The following ALMS1 variants were observed in gnomAD, a reference collection of about 807,000 sequenced individuals.
ALMS1 encodes the protein centrosome-associated protein ALMS1.
ALMS1 carries 271 observed loss-of-function variants against 352.2 expected under a neutral mutation model. The observed-to-expected ratio is 0.77, with a 90% CI of 0.70 to 0.85. The LOEUF (loss-of-function observed/expected upper bound fraction) is 0.85. ALMS1 is among the 40% of genes least tolerant of loss of function. The pLI, the probability that ALMS1 is intolerant of heterozygous loss-of-function variation, is 0.00. For missense variants in ALMS1, 5,445 were observed against 4,870.7 expected, an observed-to-expected ratio of 1.12 and a Z score of -3.51; for synonymous variants, 1,865 against 1,761.2, an observed-to-expected ratio of 1.06 and a Z score of -1.48.
At position 73,489,939 on chromosome 2, in the gene ALMS1, T is replaced by A. The variant is rs1284250096; in HGVS notation, c.7980T>A (p.Asp2660Glu). ...SHSPFQNFIP[D>E]EFKISKGLRM... Reference sequence around the variant, plus strand: ...CCCCATTTCAGAACTTTATACCTGATGAATTCAAAATCAGCAAAGGTCTTC... The same window carrying A: ...CCCCATTTCAGAACTTTATACCTGAAGAATTCAAAATCAGCAAAGGTCTTC... Residue 2660 changes from aspartate (D) to glutamate (E), a missense_variant, in exon 10 of 23, where the codon GAT becomes GAA. Transcript: ENST00000613296. 2 of 1,614,254 alleles carry A rather than the reference T, an allele frequency of 1.2e-6. No homozygotes were observed. Among genetic ancestry groups the A allele is most frequent in the East Asian group, 4.5e-5 (2 of 44,892 alleles).
intron 16 of ALMS1, among the ~76,000 whole-genome samples, chr2:73,594,151 CTT>C: frequency 6.6e-6 from 1 of 152,294 alleles, no homozygotes; most frequent in South Asian, 2.1e-4. Context: ...AACTGCCAGA[CTT>C]TTCCAAAATG....
chr2:73,453,353 C>G lies in ALMS1; in HGVS notation c.6826C>G (p.Arg2276Gly). Reference protein sequence around the residue: ...LMEAENMALKRCNFPAPLARF... With the variant: ...LMEAENMALKGCNFPAPLARF... ...GGAGGCAGAAAATATGGCACTGAAA[C>G]GATGCAATTTTCCTGCTCCCCTTGC... Residue 2276 changes from arginine (R) to glycine (G), a missense_variant, in exon 8 of 23, where the codon CGA (arginine) becomes GGA (glycine). Physicochemically the swap from Arg to Gly is moderately radical, Grantham distance 125. Transcript: ENST00000613296. 2 of 1,613,674 alleles carry G rather than the reference C, an allele frequency of 1.2e-6. No homozygotes were observed. Among genetic ancestry groups the G allele is most frequent in the Non-Finnish European group, 1.7e-6 (2 of 1,179,914 alleles).
In ALMS1 at chr2:73,449,103, C is replaced by T. The variant is rs749219852; in HGVS notation, c.2576C>T (p.Ala859Val). 1.7e-5 allele frequency: 28 copies of T among 1,613,972 alleles called. No individual in the cohort carries two copies. The highest frequency in any genetic ancestry group is 8.0e-5 in the African/African-American group (6 of 74,898). The change falls in exon 8 of 23, where the codon GCG becomes GTG. Residue 859 changes from alanine (A) to valine (V), a missense_variant. Transcript: ENST00000613296. ...GTPAVTSTSSASSSLGEKPSA... is the reference protein window; with the variant it reads ...GTPAVTSTSSVSSSLGEKPSA... ...CCAGCTGTAACCTCTACTTCCTCTG[C>T]GTCCTCTTCACTTGGAGAAAAGCCC...
chr2:73,539,361 A>C (rs938371233), intron 12 of ALMS1, among the ~76,000 whole-genome samples: 8 of 152,196 alleles, frequency 5.3e-5, no homozygotes, highest in Admixed American at 1.3e-4. Context: ...CATCCACACC[A>C]AAACCCCATC....
chr2:73,454,089 T>G lies in ALMS1; in HGVS notation c.7540+22T>G, dbSNP rs559641843. 7.6e-6 allele frequency: 12 copies of G among 1,585,028 alleles called. No individual in the cohort carries two copies. In the African/African-American group the frequency reaches 1.1e-4, roughly 14 times the overall value. The stretch of plus-strand genomic sequence containing the variant: ...CATGGTAAGAAGAAAGTTTCAGGCT[T>G]ATAAACGTTATAGTTTAATAATGTG... On this transcript the variant is annotated intron_variant, in intron 8 of 22. Coordinates refer to ENST00000613296, the MANE Select transcript of ALMS1 (RefSeq NM_001378454.1).
intron 11 of ALMS1, among the ~76,000 whole-genome samples, chr2:73,523,185 T>A (rs1361015681): frequency 1.3e-5 from 2 of 152,252 alleles, no homozygotes; most frequent in Non-Finnish European, 2.9e-5. Flanking sequence ...GAAAGCATTG[T>A]AGACTCAGAA....
At position 73,449,886 on chromosome 2, in the gene ALMS1, C is replaced by A; in HGVS notation, c.3359C>A (p.Ala1120Asp). 6.2e-7 allele frequency: 1 copy of A among 1,613,958 alleles called. No homozygotes were observed. The highest frequency in any genetic ancestry group is 1.1e-5 in the South Asian group (1 of 91,066). Residue 1120 changes from alanine (A) to aspartate (D), a missense_variant, in exon 8 of 23, where the codon GCT (alanine) becomes GAT (aspartate). Coordinates refer to ENST00000613296, the MANE Select transcript of ALMS1 (RefSeq NM_001378454.1). ...TLPESHLPKE[A>D]LKISVAPGLA... is the part of the protein sequence containing the mutation. ...CCAGAGAGTCATCTGCCTAAAGAGG[C>A]TCTGAAAATTTCAGTAGCTCCTGGA...
intron 9 of ALMS1, among the ~76,000 whole-genome samples, chr2:73,484,703 C>G (rs1159857156): frequency 6.6e-6 from 1 of 152,172 alleles, no homozygotes; most frequent in Non-Finnish European, 1.5e-5. Context: ...CCATCACTTT[C>G]AGGTACACCA....
At chr2:73,420,592 G>A (rs75825101) in intron 3 of ALMS1, among the ~76,000 whole-genome samples, 1 of 152,082 alleles carries the variant, frequency 6.6e-6, no homozygotes, top group Admixed American at 6.6e-5. Context: ...ACTAAAAAAG[G>A]CTATATAACA....
intron 1 of ALMS1, among the ~76,000 whole-genome samples, chr2:73,389,658 A>G (rs967058264): frequency 6.6e-6 from 1 of 152,106 alleles, no homozygotes; most frequent in Admixed American, 6.6e-5. Flanking sequence ...AGCCAATGTG[A>G]GAAAATTATT....
chr2:73,537,898 C>T (rs991039022), intron 12 of ALMS1, among the ~76,000 whole-genome samples: 1 of 152,028 alleles, frequency 6.6e-6, no homozygotes, highest in Admixed American at 6.6e-5. Context: ...CCCAGCTACT[C>T]GGAAGGCTGA....
At chr2:73,504,288 G>T (rs752704200) in intron 10 of ALMS1, among the ~76,000 whole-genome samples, 8 of 152,146 alleles carry the variant, frequency 5.3e-5, no homozygotes, top group Non-Finnish European at 1.0e-4. Flanking sequence ...ATGCATATAT[G>T]TGTAATTCTG....
At chr2:73,601,123 C>T (rs1437509501) in intron 18 of ALMS1, 72 bp from the exon 19 acceptor site, 1 of 1,604,916 alleles carries the variant, frequency 6.2e-7, no homozygotes, top group Non-Finnish European at 8.5e-7. Flanking sequence ...ATATGCATAT[C>T]CTGGATAAGA....
At chr2:73,600,176 G>T (rs1675645582) in intron 17 of ALMS1, among the ~76,000 whole-genome samples, 1 of 152,214 alleles carries the variant, frequency 6.6e-6, no homozygotes, top group South Asian at 2.1e-4. Context: ...GAATTCTCTG[G>T]AACCATATGG....
chr2:73,550,158 C>A, intron 12 of ALMS1, 109 bp from the exon 13 acceptor site: 3 of 1,165,988 alleles, frequency 2.6e-6, no homozygotes, highest in South Asian at 1.4e-5. Context: ...TCGTGCCTGG[C>A]CTGTAGTGCT....
At chr2:73,403,852 G>A (rs1670919257) in intron 1 of ALMS1, among the ~76,000 whole-genome samples, 1 of 152,058 alleles carries the variant, frequency 6.6e-6, no homozygotes, top group Non-Finnish European at 1.5e-5. Flanking sequence ...GTACAGAAGT[G>A]CAACTGATTT....
rs1395544491 is a variant in ALMS1 at position 73,448,675 on chromosome 2, C to T, written c.2148C>T (p.His716=). ...CAGCAACAGTACTCTCTACTCCCCA[C>T]TCACATAGAGAGAAGCCTGGTATTT... is the stretch of plus-strand genomic sequence containing the variant. The part of the protein sequence containing the change: ...TGTATVLSTP[H]SHREKPGIFY... The change falls in exon 8 of 23, where the codon CAC becomes CAT. Residue 716 remains histidine, a synonymous_variant. Transcript: ENST00000613296. 1 of 1,613,816 alleles carries T rather than the reference C, an allele frequency of 6.2e-7. No individual in the cohort carries two copies. Among genetic ancestry groups the T allele is most frequent in the East Asian group, 2.2e-5 (1 of 44,862 alleles).
intron 1 of ALMS1, among the ~76,000 whole-genome samples, chr2:73,386,869 C>T (rs1670550628): frequency 6.6e-6 from 1 of 152,150 alleles, no homozygotes; most frequent in Non-Finnish European, 1.5e-5. Flanking sequence ...TAATTTGCTG[C>T]CCTTACCCCC....
chr2:73,429,744 T>C (rs1441933134), intron 6 of ALMS1, among the ~76,000 whole-genome samples: 1 of 152,226 alleles, frequency 6.6e-6, no homozygotes, highest in Non-Finnish European at 1.5e-5. Flanking sequence ...TTTTATACCC[T>C]AATATTTGTC....
Sources: allele counts gnomAD v4.1 joint callset (sites outside exome capture counted in the v4.1 genomes callset), GRCh38; gene constraint gnomAD v4.1.1; transcripts MANE v1.5; gene names NCBI Gene and HGNC (gene_info 2026-07-23, HGNC 2026-07-21).